Variants in GATAD2B observed in about 807,000 individuals in gnomAD.
GATAD2B encodes transcriptional repressor p66-beta.
A neutral mutation model predicts 64.3 loss-of-function variants in GATAD2B; 8 were observed. The ratio of observed to expected loss-of-function variants is 0.12; its 90% CI spans 0.07 to 0.22. The LOEUF (loss-of-function observed/expected upper bound fraction) is 0.22. Ranked by LOEUF, GATAD2B falls within the 10% of genes least tolerant of loss-of-function variation. GATAD2B has a pLI of 1.00. For synonymous variants in GATAD2B, 281 were observed against 271.3 expected (o/e 1.04, Z -0.35); for missense variants, 453 against 752.0 (o/e 0.60, Z 4.65).
At chr1:153,913,844 C>A (rs570329015) in intron 1 of GATAD2B, among the ~76,000 whole-genome samples, 103 of 150,402 alleles carry the variant, frequency 6.8e-4, no homozygotes, top group African/African-American at 2.4e-3. Flanking sequence ...GGCGTGAACC[C>A]GGGAGGCAGA....
chr1:153,875,976 C>A (rs2101934511), intron 1 of GATAD2B, among the ~76,000 whole-genome samples: 1 of 152,020 alleles, frequency 6.6e-6, no homozygotes, highest in Non-Finnish European at 1.5e-5. Flanking sequence ...TGCCTGTAAT[C>A]CCAGCACTTT....
chr1:153,915,741 T>TAAAAAAAA (rs56236211), intron 1 of GATAD2B, among the ~76,000 whole-genome samples: 2 of 98,096 alleles, frequency 2.0e-5, no homozygotes, highest in African/African-American at 3.7e-5. Flanking sequence ...CTTGTCTATA[T>TAAAAAAAA]AAAAAAAAAA....
chr1:153,858,431 C>T (rs918961517), intron 1 of GATAD2B, among the ~76,000 whole-genome samples: 14 of 151,998 alleles, frequency 9.2e-5, no homozygotes, highest in Admixed American at 7.2e-4. Flanking sequence ...ATGGCAAAGC[C>T]CCATCTCTAC....
At chr1:153,832,413 C>T (rs1006434282) in intron 1 of GATAD2B, among the ~76,000 whole-genome samples, 4 of 152,120 alleles carry the variant, frequency 2.6e-5, no homozygotes, top group African/African-American at 9.7e-5. Flanking sequence ...AGAATCAGGC[C>T]CTAACTCTCT....
chr1:153,852,462 T>C (rs906618533), intron 1 of GATAD2B: 11 of 757,622 alleles, frequency 1.5e-5, no homozygotes, highest in Middle Eastern at 2.4e-4. Flanking sequence ...CTAAGTCAGG[T>C]TGCAGGCAAT....
rs138696352 is a variant in GATAD2B at position 153,919,461 on chromosome 1, A to G, written c.-2+3272T>C. ...TGAGGAGGGGTCTGTTTCAAATCAG[A>G]CCTATTCTTCAGAAGCTTTCATCAC... On this transcript the variant is annotated intron_variant, in intron 1 of 10. Transcript: ENST00000368655. 1.9e-3 allele frequency among the ~76,000 whole-genome samples: 292 copies of G among 152,306 alleles called. 2 individuals are homozygous for G. Among genetic ancestry groups the G allele is most frequent in the African/African-American group, 6.6e-3 (276 of 41,570 alleles).
chr1:153,805,393 T>C lies in GATAD2B; in HGVS notation c.*4784A>G, dbSNP rs1378617357. Reference sequence around the variant, plus strand: ...AAAGCACCAACCTGGGGCATTCAATTGTCAACCACCCTTAAGGGCTCTGTG... The same window carrying C: ...AAAGCACCAACCTGGGGCATTCAATCGTCAACCACCCTTAAGGGCTCTGTG... On this transcript the variant is annotated 3_prime_UTR_variant, in exon 11 of 11. Coordinates refer to ENST00000368655, the MANE Select transcript of GATAD2B (RefSeq NM_020699.4). The C allele has an allele frequency of 6.6e-6, 1 of 152,172 alleles. No homozygotes were observed. The highest frequency in any genetic ancestry group is 1.5e-5 in the Non-Finnish European group (1 of 68,036). The allele number at this position is 152,172 out of a possible 1,614,324, so 9.4% of individuals were successfully genotyped here. A position where few individuals can be genotyped will look rare whatever the true frequency, so the allele number is the denominator to read the frequency against.
Position 153,905,235 on chromosome 1 carries a change from C to G in GATAD2B, c.-2+17498G>C, listed in dbSNP as rs559623785. On this transcript the variant is annotated intron_variant, in intron 1 of 10. Coordinates refer to ENST00000368655, the MANE Select transcript of GATAD2B (RefSeq NM_020699.4). ...ATAAAAATACAAACAATTAGCCGGGCGTGGTGGCAGGCGCCCTGTAGTCTC... is the reference window on the plus strand; with the variant it reads ...ATAAAAATACAAACAATTAGCCGGGGGTGGTGGCAGGCGCCCTGTAGTCTC... 5.3e-5 allele frequency among the ~76,000 whole-genome samples: 8 copies of G among 151,984 alleles called. No homozygotes were observed. The South Asian group carries it at 6.3e-4, about 12-fold the overall frequency.
chr1:153,839,952 C>T (rs564033351), intron 1 of GATAD2B, among the ~76,000 whole-genome samples: 1 of 150,724 alleles, frequency 6.6e-6, no homozygotes, highest in Admixed American at 6.6e-5. Context: ...CTAGACCTGG[C>T]GACAAAGCGA....
At chr1:153,853,624 G>A (rs547726936) in intron 1 of GATAD2B, among the ~76,000 whole-genome samples, 39 of 152,088 alleles carry the variant, frequency 2.6e-4, no homozygotes, top group Admixed American at 5.9e-4. Context: ...GGTTGATGCA[G>A]TTCCACTTGC....
chr1:153,885,994 C>A (rs1359905397), intron 1 of GATAD2B, among the ~76,000 whole-genome samples: 2 of 152,102 alleles, frequency 1.3e-5, no homozygotes, highest in Non-Finnish European at 2.9e-5. Context: ...GATATCCAGG[C>A]TTAGGCAACA....
At chr1:153,899,965 G>C (rs532927569) in intron 1 of GATAD2B, among the ~76,000 whole-genome samples, 11 of 152,112 alleles carry the variant, frequency 7.2e-5, no homozygotes, top group Non-Finnish European at 1.6e-4. Flanking sequence ...CTGGAAGGCT[G>C]GTTATCATAG....
intron 1 of GATAD2B, among the ~76,000 whole-genome samples, chr1:153,920,570 C>A (rs1384187052): frequency 6.6e-6 from 1 of 152,200 alleles, no homozygotes; most frequent in African/African-American, 2.4e-5. Context: ...TCAGACCCTA[C>A]TGGGACTGCC....
chr1:153,833,761 G>C (rs1462982957), intron 1 of GATAD2B, among the ~76,000 whole-genome samples: 18 of 123,618 alleles, frequency 1.5e-4, no homozygotes, highest in Middle Eastern at 7.6e-3. Context: ...AGTGAGCCAA[G>C]ATCATGCCAC....
At chr1:153,876,448 G>A (rs1557817472) in intron 1 of GATAD2B, among the ~76,000 whole-genome samples, 1 of 152,028 alleles carries the variant, frequency 6.6e-6, no homozygotes, top group Non-Finnish European at 1.5e-5. Context: ...TGTCTTTTCT[G>A]TATCACTGAG....
chr1:153,835,104 C>T (rs1041999809), intron 1 of GATAD2B, among the ~76,000 whole-genome samples: 7 of 152,100 alleles, frequency 4.6e-5, no homozygotes, highest in African/African-American at 1.7e-4. Context: ...CAGACCACAA[C>T]TGAGTCTCTT....
At chr1:153,899,289 C>T (rs1391943253) in intron 1 of GATAD2B, among the ~76,000 whole-genome samples, 3 of 152,078 alleles carry the variant, frequency 2.0e-5, no homozygotes, top group Non-Finnish European at 4.4e-5. Flanking sequence ...GCCTCCTTTG[C>T]CAGGCACACT....
At chr1:153,821,454 G>GC (rs1268916024) in intron 2 of GATAD2B, among the ~76,000 whole-genome samples, 4 of 152,258 alleles carry the variant, frequency 2.6e-5, no homozygotes, top group Admixed American at 1.3e-4. Flanking sequence ...TAGATTGCTG[G>GC]CCACAGACAC....
At chr1:153,854,958 A>T (rs983882466) in intron 1 of GATAD2B, among the ~76,000 whole-genome samples, 5 of 151,178 alleles carry the variant, frequency 3.3e-5, no homozygotes, top group African/African-American at 9.7e-5. Context: ...AAGTTGATAT[A>T]AAAAAAAAGA....
Sources: gnomAD v4.1 joint callset for allele counts (sites outside exome capture counted in the v4.1 genomes callset) on GRCh38, gnomAD v4.1.1 for gene constraint, MANE v1.5 for transcripts, NCBI Gene and HGNC (gene_info 2026-07-23, HGNC 2026-07-21) for gene names.